Variants in NAALADL2 observed in about 807,000 individuals in gnomAD.
NAALADL2 encodes N-acetylated alpha-linked acidic dipeptidase like 2.
NAALADL2 carries 76 observed loss-of-function variants against 87.2 expected under a neutral mutation model. The ratio of observed to expected loss-of-function variants is 0.87; its 90% CI spans 0.72 to 1.05. NAALADL2 has a LOEUF of 1.05. Ranked by LOEUF, NAALADL2 falls within the 50% of genes least tolerant of loss-of-function variation. NAALADL2 has a pLI of 0.00. For missense variants in NAALADL2, 1,089 were observed against 945.8 expected, an observed-to-expected ratio of 1.15 and a Z score of -1.99; for synonymous variants, 354 against 331.0, an observed-to-expected ratio of 1.07 and a Z score of -0.75.
chr3:175,144,429 G>C (rs1730465553), intron 2 of NAALADL2, among the ~76,000 whole-genome samples: 1 of 151,906 alleles, frequency 6.6e-6, no homozygotes, highest in South Asian at 2.1e-4. Flanking sequence ...AAAAATATAT[G>C]AGTTAAGTTG....
chr3:175,342,532 G>A (rs966480409), intron 5 of NAALADL2, among the ~76,000 whole-genome samples: 1 of 151,736 alleles, frequency 6.6e-6, no homozygotes, highest in Non-Finnish European at 1.5e-5. Flanking sequence ...GTGTGTGTGT[G>A]TATCACTATC....
intron 3 of NAALADL2, among the ~76,000 whole-genome samples, chr3:174,827,184 A>T (rs1222471650): frequency 1.3e-5 from 2 of 152,146 alleles, no homozygotes; most frequent in African/African-American, 2.4e-5. Flanking sequence ...TTAAGTCATA[A>T]ACATCATTTC....
intron 1 of NAALADL2, among the ~76,000 whole-genome samples, chr3:175,003,194 C>T (rs1419817926): frequency 9.2e-5 from 14 of 152,074 alleles, no homozygotes; most frequent in East Asian, 1.9e-4. Flanking sequence ...ATTAATTCAA[C>T]GATGTGTCCA....
chr3:174,579,640 C>T (rs959026869), intron 2 of NAALADL2, among the ~76,000 whole-genome samples: 1 of 152,012 alleles, frequency 6.6e-6, no homozygotes, highest in Non-Finnish European at 1.5e-5. Context: ...TAATTATACA[C>T]ATAAATATGT....
chr3:174,747,453 C>A (rs1734368477), intron 3 of NAALADL2, among the ~76,000 whole-genome samples: 1 of 151,568 alleles, frequency 6.6e-6, no homozygotes, highest in Admixed American at 6.6e-5. Context: ...GAAACCATGT[C>A]TCTACTAAAA....
intron 2 of NAALADL2, among the ~76,000 whole-genome samples, chr3:174,709,784 T>TG (rs1730445961): frequency 6.6e-6 from 1 of 152,174 alleles, no homozygotes; most frequent in South Asian, 2.1e-4. Context: ...TAGCCAGTTT[T>TG]GGAAAAAGAA....
intron 1 of NAALADL2, among the ~76,000 whole-genome samples, chr3:174,548,968 G>A (rs924813735): frequency 3.3e-5 from 5 of 152,124 alleles, no homozygotes; most frequent in African/African-American, 1.2e-4. Context: ...AGCCTCCCGA[G>A]TAGCTGGGAT....
chr3:174,620,111 A>G (rs1423254491), intron 2 of NAALADL2, among the ~76,000 whole-genome samples: 1 of 152,032 alleles, frequency 6.6e-6, no homozygotes, highest in Non-Finnish European at 1.5e-5. Context: ...ACTTAAATCA[A>G]TGTTAATCTC....
At position 175,234,932 on chromosome 3, in the gene NAALADL2, G is replaced by A. The variant is rs1337073004; in HGVS notation, c.819+728G>A. On this transcript the variant is annotated intron_variant, in intron 3 of 13. Transcript: ENST00000454872. ...TTACAAATATATGTAAATCTAGGAG[G>A]ACAGAGCATAGCCTATAGTAAGAAC... The A allele has an allele frequency of 2.6e-5, 4 of 152,214 alleles. No individual in the cohort carries two copies. The East Asian group carries it at 7.7e-4, about 29-fold the overall frequency. The allele number at this position is 152,214 out of a possible 1,614,324, so 9.4% of individuals were successfully genotyped here. A position where few individuals can be genotyped will look rare whatever the true frequency, so the allele number is the denominator to read the frequency against.
intron 9 of NAALADL2, among the ~76,000 whole-genome samples, chr3:175,499,601 T>A (rs993198214): frequency 5.3e-5 from 8 of 151,992 alleles, no homozygotes; most frequent in African/African-American, 1.7e-4. Context: ...TCAGTATGAA[T>A]TGTGGGATTT....
At chr3:175,256,123 T>C (rs1749891046) in intron 3 of NAALADL2, among the ~76,000 whole-genome samples, 1 of 152,216 alleles carries the variant, frequency 6.6e-6, no homozygotes, top group African/African-American at 2.4e-5. Context: ...GAATGTAGAA[T>C]ATCCCAAATG....
At chr3:175,186,213 T>C (rs1737315078) in intron 2 of NAALADL2, among the ~76,000 whole-genome samples, 1 of 152,088 alleles carries the variant, frequency 6.6e-6, no homozygotes, top group Non-Finnish European at 1.5e-5. Flanking sequence ...ATTTGTAGTG[T>C]CAGTCTTCAT....
At chr3:175,431,875 C>T (rs2149164499) in intron 5 of NAALADL2, among the ~76,000 whole-genome samples, 1 of 152,088 alleles carries the variant, frequency 6.6e-6, no homozygotes, top group South Asian at 2.1e-4. Flanking sequence ...AGGACTGAAA[C>T]CTTAATTGCC....
intron 1 of NAALADL2, among the ~76,000 whole-genome samples, chr3:174,989,407 G>A (rs1208210487): frequency 2.6e-5 from 4 of 152,092 alleles, no homozygotes; most frequent in Non-Finnish European, 5.9e-5. Flanking sequence ...ATTTTGTTTC[G>A]TAAAAGGCCA....
chr3:175,433,918 A>G (rs1718202978), intron 5 of NAALADL2, among the ~76,000 whole-genome samples: 1 of 152,024 alleles, frequency 6.6e-6, no homozygotes, highest in African/African-American at 2.4e-5. Context: ...TCTGTGTCTC[A>G]TTAACCAAGG....
At chr3:174,738,265 G>GTA (rs1733403681) in intron 3 of NAALADL2, among the ~76,000 whole-genome samples, 1 of 152,072 alleles carries the variant, frequency 6.6e-6, no homozygotes, top group African/African-American at 2.4e-5. Flanking sequence ...GGCTTAATAC[G>GTA]TATAAAACTT....
intron 1 of NAALADL2, among the ~76,000 whole-genome samples, chr3:174,499,250 A>G (rs1034461570): frequency 6.6e-6 from 1 of 152,004 alleles, no homozygotes; most frequent in Non-Finnish European, 1.5e-5. Flanking sequence ...TCAGATTTTC[A>G]ATTGGGTTTT....
chr3:174,672,329 A>G (rs1726631226), intron 2 of NAALADL2, among the ~76,000 whole-genome samples: 1 of 152,070 alleles, frequency 6.6e-6, no homozygotes, highest in African/African-American at 2.4e-5. Flanking sequence ...ATCTACTCAG[A>G]AGCACTCACT....
intron 3 of NAALADL2, among the ~76,000 whole-genome samples, chr3:174,839,412 A>C (rs2109412640): frequency 6.6e-6 from 1 of 152,268 alleles, no homozygotes; most frequent in Non-Finnish European, 1.5e-5. Flanking sequence ...CATTGGAAAA[A>C]CCCTTCTAGA....
Sources: gnomAD v4.1 joint callset for allele counts (sites outside exome capture counted in the v4.1 genomes callset) on GRCh38, gnomAD v4.1.1 for gene constraint, MANE v1.5 for transcripts, NCBI Gene and HGNC (gene_info 2026-07-23, HGNC 2026-07-21) for gene names.